The following ARHGAP35 variants were observed in gnomAD, a reference collection of about 807,000 sequenced individuals.
ARHGAP35 encodes Rho GTPase activating protein 35.
Under a neutral mutation model 111.1 loss-of-function variants are expected in ARHGAP35, and 15 were observed. The observed-to-expected ratio is 0.13, with a 90% CI of 0.09 to 0.21. The LOEUF is 0.21. Among genes scored for constraint, ARHGAP35 ranks in the 10% least tolerant of loss-of-function variants. The probability of loss-of-function intolerance (pLI) is 1.00; values close to 1 mark genes in which losing one functional copy is unlikely to be tolerated. For synonymous variants in ARHGAP35, 643 were observed against 710.3 expected (o/e 0.91, Z 1.51); for missense variants, 1,262 against 1,873.0 (o/e 0.67, Z 6.02).
chr19:46,978,642 G>T (rs1197154984), intron 3 of ARHGAP35, among the ~76,000 whole-genome samples: 1 of 132,254 alleles, frequency 7.6e-6, no homozygotes, highest in Non-Finnish European at 1.6e-5. Flanking sequence ...GTGCGGTGGG[G>T]TATGTGTGTG....
chr19:46,904,695 A>C (rs1158886802), intron 1 of ARHGAP35, among the ~76,000 whole-genome samples: 1 of 152,208 alleles, frequency 6.6e-6, no homozygotes, highest in Admixed American at 6.5e-5. Context: ...GGAAGCGTTT[A>C]TCCAGTGGAT....
Position 46,875,925 on chromosome 19 carries a change from C to T in ARHGAP35, c.-189+14716C>T, listed in dbSNP as rs181910186. On this transcript the variant is annotated intron_variant, in intron 1 of 6. Coordinates refer to ENST00000672722, the MANE Select transcript of ARHGAP35 (RefSeq NM_004491.5). ...AGTGTCTCATACACCTAAATGTTAA[C>T]ACCAGGTCATAGGCCAAATAGCAGT... 1.1e-4 allele frequency among the ~76,000 whole-genome samples: 17 copies of T among 152,192 alleles called. 1 individual carries two copies. The highest frequency in any genetic ancestry group is 5.9e-4 in the Admixed American group (9 of 15,282).
intron 1 of ARHGAP35, among the ~76,000 whole-genome samples, chr19:46,883,740 C>T (rs142410636): frequency 2.5e-3 from 381 of 152,148 alleles, no homozygotes; most frequent in African/African-American, 8.8e-3. Flanking sequence ...GTATCTGAAG[C>T]GCAGTAAAAG....
Position 46,926,350 on chromosome 19 carries a change from C to G in ARHGAP35, c.3681+3994C>G, listed in dbSNP as rs180899213. 9.8e-5 allele frequency among the ~76,000 whole-genome samples: 15 copies of G among 152,294 alleles called. No individual in the cohort carries two copies. The highest frequency in any genetic ancestry group is 1.9e-4 in the East Asian group (1 of 5,194). ...TCAGCTGAATGAAATTGAAAATCTA[C>G]GATTGCACTTCAGTAGGGTCCATGA... is the stretch of plus-strand genomic sequence containing the variant. On this transcript the variant is annotated intron_variant, in intron 2 of 6. Transcript: ENST00000672722. This position sits in a 1 kb window ranked among gnomAD's most constrained non-coding sequence, Gnocchi z 4.1.
chr19:46,921,792 G>A lies in ARHGAP35; in HGVS notation c.3117G>A (p.Pro1039=), dbSNP rs370042675. The change falls in exon 2 of 7, where the codon CCG becomes CCA. Residue 1039 remains proline, a synonymous_variant. Coordinates refer to ENST00000672722, the MANE Select transcript of ARHGAP35 (RefSeq NM_004491.5). This position sits in a 1 kb window ranked among gnomAD's most constrained non-coding sequence, Gnocchi z 4.3. ...GTAAACTGAACAACAAAGTACCTCC[G>A]CCAGTCAAACCAAAGCCTCCTGTCC... The part of the protein sequence containing the change: ...FESKLNNKVP[P]PVKPKPPVHF... 3.0e-5 allele frequency: 49 copies of A among 1,613,896 alleles called. No individual in the cohort carries two copies. The African/African-American group carries it at 3.2e-4, about 11-fold the overall frequency.
At chr19:46,895,465 G>A (rs564752593) in intron 1 of ARHGAP35, among the ~76,000 whole-genome samples, 31 of 152,172 alleles carry the variant, frequency 2.0e-4, no homozygotes, top group Admixed American at 3.9e-4. Context: ...GCGCCCAGCC[G>A]GGCAAAATCT....
intron 1 of ARHGAP35, among the ~76,000 whole-genome samples, chr19:46,899,124 G>T (rs1317167165): frequency 6.6e-6 from 1 of 152,164 alleles, no homozygotes; most frequent in Non-Finnish European, 1.5e-5. Context: ...CCAAATGAAT[G>T]CTGTAATTGC....
intron 1 of ARHGAP35, among the ~76,000 whole-genome samples, 95 bp downstream of exon 1, chr19:46,861,304 C>G (rs1261664787): frequency 6.0e-5 from 9 of 150,512 alleles, no homozygotes; most frequent in African/African-American, 1.2e-4. Context: ...GCCCGGAGCC[C>G]GCGAACAATG....
chr19:46,900,434 T>G (rs994385939), intron 1 of ARHGAP35, among the ~76,000 whole-genome samples: 2 of 152,210 alleles, frequency 1.3e-5, no homozygotes, highest in Admixed American at 6.5e-5. Flanking sequence ...TTGGCCAGGC[T>G]GGTCTCGAAC....
intron 2 of ARHGAP35, among the ~76,000 whole-genome samples, chr19:46,928,917 G>A (rs1375142891): frequency 6.6e-6 from 1 of 151,584 alleles, no homozygotes; most frequent in African/African-American, 2.4e-5. Flanking sequence ...GGGCAACAGA[G>A]GGAGACGGTC....
At chr19:46,873,372 T>G (rs2055898040) in intron 1 of ARHGAP35, among the ~76,000 whole-genome samples, 2 of 151,952 alleles carry the variant, frequency 1.3e-5, no homozygotes, top group Non-Finnish European at 2.9e-5. Flanking sequence ...TGGCTCACAC[T>G]TGTAATCCTA....
chr19:46,939,421 A>AT lies in ARHGAP35; in HGVS notation c.3826+2020dup, dbSNP rs1231224856. 5.6e-5 allele frequency among the ~76,000 whole-genome samples: 8 copies of AT among 143,890 alleles called. No homozygotes were observed. In the East Asian group the frequency reaches 1.7e-3, roughly 30 times the overall value. The allele number at this position is 143,890 out of a possible 152,430, so 94.4% of individuals were successfully genotyped here. ...TATTTATTTATTTATTTATTATTTAATTTTTTTAGATGGAGTCTAACTCTG... is the reference window on the plus strand; with the variant it reads ...TATTTATTTATTTATTTATTATTTAATTTTTTTTAGATGGAGTCTAACTCTG... On this transcript the variant is annotated intron_variant, in intron 3 of 6. Transcript: ENST00000672722.
At chr19:46,952,045 A>G (rs2056415956) in intron 3 of ARHGAP35, among the ~76,000 whole-genome samples, 1 of 152,222 alleles carries the variant, frequency 6.6e-6, no homozygotes, top group South Asian at 2.1e-4. Flanking sequence ...AATTTATTGT[A>G]TATTTCAAAA....
intron 3 of ARHGAP35, among the ~76,000 whole-genome samples, chr19:46,982,680 C>T (rs1384525659): frequency 6.6e-6 from 1 of 152,000 alleles, no homozygotes; most frequent in East Asian, 1.9e-4. Context: ...GGCACATCTT[C>T]TAGAATGGCA....
At chr19:46,952,295 T>C (rs2056417183) in intron 3 of ARHGAP35, among the ~76,000 whole-genome samples, 1 of 152,226 alleles carries the variant, frequency 6.6e-6, no homozygotes, top group South Asian at 2.1e-4. Context: ...ACATTAATTG[T>C]GCTGTTCAAT....
chr19:46,862,778 A>C (rs1213676017), intron 1 of ARHGAP35, among the ~76,000 whole-genome samples: 1 of 151,644 alleles, frequency 6.6e-6, no homozygotes, highest in Non-Finnish European at 1.5e-5. Flanking sequence ...CGAGTCTTTT[A>C]AGTTTTCCAC....
intron 1 of ARHGAP35, among the ~76,000 whole-genome samples, chr19:46,905,558 C>T (rs170164): frequency 1.4e-5 from 2 of 143,076 alleles, no homozygotes; most frequent in South Asian, 4.6e-4. Flanking sequence ...GTATTCCACC[C>T]CCCCCCCCCA....
At chr19:46,952,975 T>C (rs2056420978) in intron 3 of ARHGAP35, among the ~76,000 whole-genome samples, 1 of 152,222 alleles carries the variant, frequency 6.6e-6, no homozygotes, top group South Asian at 2.1e-4. Context: ...CCACCATGCC[T>C]GGCCCTACAT....
At chr19:46,948,188 G>T (rs868516179) in intron 3 of ARHGAP35, 1 of 151,472 alleles carries the variant, frequency 6.6e-6, no homozygotes, top group Non-Finnish European at 1.5e-5. Flanking sequence ...GAGAGAGATT[G>T]TGTTTCCCGA....
Sources: gnomAD v4.1 joint callset for allele counts (sites outside exome capture counted in the v4.1 genomes callset) on GRCh38, gnomAD v4.1.1 for gene constraint, Gnocchi (gnomAD v3.1) non-coding constraint, MANE v1.5 for transcripts, NCBI Gene and HGNC (gene_info 2026-07-23, HGNC 2026-07-21) for gene names.